The following MGMT variants were observed in gnomAD, a reference collection of about 807,000 sequenced individuals.
MGMT encodes the protein O-6-methylguanine-DNA methyltransferase.
In MGMT, 14 loss-of-function variants were observed where a neutral mutation model predicts 15.9. The observed-to-expected ratio is 0.88, with a 90% CI of 0.58 to 1.37. MGMT has a LOEUF of 1.37. Among genes scored for constraint, MGMT ranks in the 40% most tolerant of loss-of-function variants. The probability of loss-of-function intolerance (pLI) is 0.00; values close to 1 mark genes in which losing one functional copy is unlikely to be tolerated. For synonymous variants in MGMT, 130 were observed against 118.2 expected (o/e 1.10, Z -0.65); for missense variants, 282 against 268.1 (o/e 1.05, Z -0.36).
intron 1 of MGMT, among the ~76,000 whole-genome samples, chr10:129,477,974 A>G (rs1447683993): frequency 6.6e-6 from 1 of 152,144 alleles, no homozygotes; most frequent in African/African-American, 2.4e-5. Context: ...AAAACAAGTA[A>G]CAAACAGAAA....
chr10:129,654,961 G>A (rs1235664316), intron 2 of MGMT, among the ~76,000 whole-genome samples: 1 of 152,178 alleles, frequency 6.6e-6, no homozygotes, highest in Non-Finnish European at 1.5e-5. Context: ...ACTTATAATG[G>A]TCTTTGCAAA....
chr10:129,619,711 GTTTGT>G (rs56042885), intron 2 of MGMT, among the ~76,000 whole-genome samples: 3,893 of 152,202 alleles, frequency 0.026, 78 homozygotes, highest in South Asian at 0.06. Context: ...CTTTCAAAGA[GTTTGT>G]TTTATCTAAG....
rs1173629243 is a variant in MGMT, at chr10:129,767,709, C to A, written c.*712C>A. 1 of 152,392 alleles carries A rather than the reference C, an allele frequency of 6.6e-6. No individual in the cohort carries two copies. Among genetic ancestry groups the A allele is most frequent in the African/African-American group, 2.4e-5 (1 of 41,576 alleles). 9.4% of individuals were successfully genotyped at this position (152,392 alleles called of 1,614,324 possible). A position where few individuals can be genotyped will look rare whatever the true frequency, so the allele number is the denominator to read the frequency against. ...TCAAGTCTCACCCTCTCTCCATACT[C>A]CCTGGCCTAGTGTGCTCTGGGCAGC... On this transcript the variant is annotated 3_prime_UTR_variant, in exon 5 of 5. Coordinates refer to ENST00000651593, the MANE Select transcript of MGMT (RefSeq NM_002412.5).
chr10:129,685,418 C>G (rs1847894138), intron 2 of MGMT, among the ~76,000 whole-genome samples: 1 of 152,166 alleles, frequency 6.6e-6, no homozygotes, highest in Non-Finnish European at 1.5e-5. Context: ...CCTGTCTTCC[C>G]CTCCCTGTCT....
intron 2 of MGMT, among the ~76,000 whole-genome samples, chr10:129,626,987 C>T (rs556599112): frequency 2.0e-5 from 3 of 152,104 alleles, no homozygotes. Flanking sequence ...GGGTGCTGCC[C>T]GCCTCTGAGG....
intron 3 of MGMT, among the ~76,000 whole-genome samples, 172 bp from the exon 4 acceptor site, chr10:129,759,030 C>T (rs748551000): frequency 7.2e-5 from 11 of 152,254 alleles, no homozygotes; most frequent in Admixed American, 1.3e-4. Flanking sequence ...CACATGCTTG[C>T]GTCTCCTCGC....
chr10:129,760,599 G>A (rs970032938), intron 4 of MGMT, among the ~76,000 whole-genome samples: 4 of 152,226 alleles, frequency 2.6e-5, no homozygotes, highest in African/African-American at 4.8e-5. Flanking sequence ...CCTGCTGCCC[G>A]CTGCAGCAGC....
At chr10:129,649,093 C>G (rs1406219681) in intron 2 of MGMT, among the ~76,000 whole-genome samples, 1 of 152,166 alleles carries the variant, frequency 6.6e-6, no homozygotes, top group Non-Finnish European at 1.5e-5. Context: ...ATAGAACACT[C>G]CAAGTATCCA....
At chr10:129,624,050 T>A (rs184808112) in intron 2 of MGMT, among the ~76,000 whole-genome samples, 1 of 152,366 alleles carries the variant, frequency 6.6e-6, no homozygotes, top group East Asian at 1.9e-4. Flanking sequence ...CTGAGTTCGA[T>A]GGGGCCTCCA....
intron 1 of MGMT, among the ~76,000 whole-genome samples, chr10:129,474,547 C>T (rs561564977): frequency 2.0e-5 from 3 of 152,320 alleles, no homozygotes; most frequent in Admixed American, 2.0e-4. Flanking sequence ...CCGCCCTCTG[C>T]CCTGCCTGGC....
At chr10:129,588,191 A>G (rs1846639622) in intron 2 of MGMT, among the ~76,000 whole-genome samples, 1 of 152,220 alleles carries the variant, frequency 6.6e-6, no homozygotes, top group Non-Finnish European at 1.5e-5. Flanking sequence ...AATTCTGTCA[A>G]TACATAGTGA....
At chr10:129,487,882 C>CTG (rs925190509) in intron 1 of MGMT, among the ~76,000 whole-genome samples, 4 of 149,420 alleles carry the variant, frequency 2.7e-5, no homozygotes, top group African/African-American at 4.9e-5. Context: ...CATTGAGAGA[C>CTG]TGTGTGTGTG....
At chr10:129,618,195 A>G (rs1363710614) in intron 2 of MGMT, among the ~76,000 whole-genome samples, 1 of 152,122 alleles carries the variant, frequency 6.6e-6, no homozygotes, top group African/African-American at 2.4e-5. Context: ...TTTTTTTAAA[A>G]AGGATTTTCT....
intron 3 of MGMT, among the ~76,000 whole-genome samples, chr10:129,733,539 G>A (rs1348277521): frequency 5.3e-5 from 8 of 150,436 alleles, no homozygotes; most frequent in Non-Finnish European, 1.2e-4. Flanking sequence ...AGTTTCTTTT[G>A]CTGTGCAGAA....
In MGMT at chr10:129,727,843, C is replaced by T. The variant is rs181740442; in HGVS notation, c.274+19800C>T. ...CAGCTGTGTGGGCTGGGGAGAACTT[C>T]ATGGAGGAGGTAGCATTTGCACCAG... On this transcript the variant is annotated intron_variant, in intron 3 of 4. Transcript: ENST00000651593. 1.3e-3 allele frequency among the ~76,000 whole-genome samples: 195 copies of T among 152,298 alleles called. 2 individuals carry two copies. Among genetic ancestry groups the T allele is most frequent in the South Asian group, 7.5e-3 (36 of 4,826 alleles).
At chr10:129,682,834 G>T (rs1303020280) in intron 2 of MGMT, among the ~76,000 whole-genome samples, 1 of 152,104 alleles carries the variant, frequency 6.6e-6, no homozygotes, top group African/African-American at 2.4e-5. Context: ...AAAAAAATTT[G>T]TGCCTTTTAC....
At chr10:129,473,659 CAG>C (rs1845256978) in intron 1 of MGMT, among the ~76,000 whole-genome samples, 1 of 152,198 alleles carries the variant, frequency 6.6e-6, no homozygotes, top group African/African-American at 2.4e-5. Context: ...AGGGTGTAAA[CAG>C]ACACAGACCT....
chr10:129,630,229 G>A (rs867283904), intron 2 of MGMT, among the ~76,000 whole-genome samples: 34 of 152,206 alleles, frequency 2.2e-4, no homozygotes, highest in African/African-American at 5.8e-4. Context: ...GGTGTTGTCC[G>A]TCCAGATGAA....
chr10:129,639,054 A>C (rs1847297436), intron 2 of MGMT, among the ~76,000 whole-genome samples: 1 of 152,206 alleles, frequency 6.6e-6, no homozygotes, highest in African/African-American at 2.4e-5. Flanking sequence ...TGTATTCTTG[A>C]AAATATATAG....
Sources: allele counts gnomAD v4.1 joint callset (sites outside exome capture counted in the v4.1 genomes callset), GRCh38; gene constraint gnomAD v4.1.1; transcripts MANE v1.5; gene names NCBI Gene and HGNC (gene_info 2026-07-23, HGNC 2026-07-21).